Variants in PIH1D2 observed in about 807,000 individuals in gnomAD.
PIH1D2 encodes PIH1 domain-containing protein 2.
In PIH1D2, 25 loss-of-function variants were observed where a neutral mutation model predicts 31.2. The ratio of observed to expected loss-of-function variants is 0.80; its 90% CI spans 0.58 to 1.12. The LOEUF is 1.12. PIH1D2 is among the 50% of genes most tolerant of loss of function. The pLI is 0.00. For missense variants in PIH1D2, 310 were observed against 356.6 expected, an observed-to-expected ratio of 0.87 and a Z score of 1.05; for synonymous variants, 116 against 119.9, an observed-to-expected ratio of 0.97 and a Z score of 0.21.
At chr11:112,070,373 G>A (rs781972754) in intron 5 of PIH1D2, 63 bp downstream of exon 5, 375 of 1,543,922 alleles carry the variant, frequency 2.4e-4, no homozygotes, top group Non-Finnish European at 3.1e-4. Context: ...TTGTTACTGT[G>A]GCATAATATA....
chr11:112,058,604 T>G, downstream of PIH1D2, among the ~76,000 whole-genome samples: 2 of 2,996 alleles, frequency 6.7e-4, no homozygotes, highest in African/African-American at 4.0e-3. Context: ...GAACTTCAGT[T>G]GGGGTGGGGG....
At chr11:112,072,971 C>T (rs1865189557) in intron 2 of PIH1D2, 27 bp downstream of exon 2, 1 of 1,567,266 alleles carries the variant, frequency 6.4e-7, no homozygotes, top group Non-Finnish European at 8.7e-7. Flanking sequence ...TCAAGACCTC[C>T]CCATCCCTGG....
rs1177366302 is a variant in PIH1D2 at position 112,070,625 on chromosome 11, G to A, written c.624C>T (p.Asp208=). 3 of 1,613,948 alleles carry A rather than the reference G, an allele frequency of 1.9e-6. No individual in the cohort carries two copies. The highest frequency in any genetic ancestry group is 1.7e-6 in the Non-Finnish European group (2 of 1,180,010). ...GACACACTGCTTTGCCTGAAACTTG[G>A]TCTTTTGGCAGTAACAGTTGAGGAA... ...DHFPQLLLPK[D]QVSGKAVCLI... is the part of the protein sequence containing the mutation. Residue 208 remains aspartate, a synonymous_variant, in exon 5 of 6, where the codon GAC becomes GAT. Transcript: ENST00000280350.
At chr11:112,065,596 T>C (rs1447804798), downstream of PIH1D2, among the ~76,000 whole-genome samples, 4 of 152,158 alleles carry the variant, frequency 2.6e-5, no homozygotes, top group Non-Finnish European at 4.4e-5. Flanking sequence ...ATCCTGTTGC[T>C]AGTAGAATTT....
downstream of PIH1D2, chr11:112,064,269 T>C: frequency 6.8e-7 from 1 of 1,472,170 alleles, no homozygotes; most frequent in South Asian, 1.3e-5. Flanking sequence ...ATTGTTGAGT[T>C]AAAAATTAAT....
Position 112,067,867 on chromosome 11 carries a change from T to A in PIH1D2, c.*4A>T. On this transcript the variant is annotated 3_prime_UTR_variant, in exon 6 of 6. Coordinates refer to ENST00000280350, the MANE Select transcript of PIH1D2 (RefSeq NM_138789.4). ...GAAAACCCAAAACATATGATGCTCT[T>A]CTTTCACACCAAAGGCATTGTGATG... The A allele has an allele frequency of 6.2e-7, 1 of 1,611,888 alleles. No homozygotes were observed. The highest frequency in any genetic ancestry group is 8.5e-7 in the Non-Finnish European group (1 of 1,179,402).
At chr11:112,059,149 T>C (rs1566639362), downstream of PIH1D2, among the ~76,000 whole-genome samples, 1 of 151,984 alleles carries the variant, frequency 6.6e-6, no homozygotes, top group Admixed American at 6.6e-5. Flanking sequence ...TACAATGCAG[T>C]TCTTTCCCTT....
At chr11:112,066,415 C>T (rs192323443), downstream of PIH1D2, among the ~76,000 whole-genome samples, 679 of 151,906 alleles carry the variant, frequency 4.5e-3, 2 homozygotes, top group African/African-American at 0.014. Context: ...CCAAGGCAGG[C>T]GGATCACCTG....
downstream of PIH1D2, chr11:112,062,655 G>A: frequency 1.7e-6 from 2 of 1,179,700 alleles, no homozygotes; most frequent in South Asian, 2.7e-5. Flanking sequence ...TATTGAGTCT[G>A]TCCAGATAAG....
At chr11:112,072,488 G>T (rs1260613584) in intron 2 of PIH1D2, among the ~76,000 whole-genome samples, 1 of 130,468 alleles carries the variant, frequency 7.7e-6, no homozygotes, top group Non-Finnish European at 1.6e-5. Context: ...AGCTGTGATT[G>T]TGAGCTGTGA....
chr11:112,064,104 T>G, downstream of PIH1D2: 1 of 1,332,256 alleles, frequency 7.5e-7, no homozygotes, highest in South Asian at 1.4e-5. Flanking sequence ...TTGAAGATTA[T>G]CCAAAAGAAA....
chr11:112,054,088 C>T, the PIH1D2 span, among the ~76,000 whole-genome samples: 2,148 of 151,722 alleles, frequency 0.014, 52 homozygotes, highest in African/African-American at 0.049. Context: ...GCAGGTGGAT[C>T]GCCTGAGGTC....
Position 112,070,520 on chromosome 11 carries a change from G to A in PIH1D2, c.729C>T (p.His243=), listed in dbSNP as rs1306781729. The A allele has an allele frequency of 1.2e-6, 2 of 1,614,068 alleles. No homozygotes were observed. The highest frequency in any genetic ancestry group is 1.7e-6 in the Non-Finnish European group (2 of 1,179,996). Residue 243 remains histidine, a synonymous_variant, in exon 5 of 6, where the codon CAC becomes CAT. Coordinates refer to ENST00000280350, the MANE Select transcript of PIH1D2 (RefSeq NM_138789.4). The part of the protein sequence containing the change: ...PAYELKIVHD[H]SEKPLKIELK... ...ACTCAATTTTCAGAGGTTTCTCACT[G>A]TGATCATGCACAATTTTTAGTTCAT...
chr11:112,059,963 T>A (rs1555183010), downstream of PIH1D2: 2 of 1,613,972 alleles, frequency 1.2e-6, no homozygotes, highest in South Asian at 2.2e-5. Context: ...TCACACCTAT[T>A]GTGTTTAATG....
chr11:112,063,205 T>G (rs1864742916), downstream of PIH1D2: 1 of 152,250 alleles, frequency 6.6e-6, no homozygotes, highest in African/African-American at 2.4e-5. Flanking sequence ...AACCAGCTAC[T>G]TGATGTAACT....
chr11:112,070,089 C>A (rs1191925316), intron 5 of PIH1D2: 2 of 432,884 alleles, frequency 4.6e-6, no homozygotes, highest in Non-Finnish European at 8.4e-6. Flanking sequence ...GAGGATAGTA[C>A]GTTTACCCTG....
downstream of PIH1D2, chr11:112,060,158 A>ATTTTTTT (rs782188808): frequency 7.0e-6 from 4 of 568,676 alleles, no homozygotes; most frequent in African/African-American, 5.1e-5. Flanking sequence ...CTGTCACGTA[A>ATTTTTTT]TTTTTTTTTT....
At chr11:112,058,773 T>C (rs1864313468), downstream of PIH1D2, among the ~76,000 whole-genome samples, 1 of 152,136 alleles carries the variant, frequency 6.6e-6, no homozygotes, top group Admixed American at 6.5e-5. Context: ...TAGTTGTATA[T>C]ATCTCAAAAT....
At chr11:112,063,294 C>T (rs1171728877), downstream of PIH1D2, 2 of 152,072 alleles carry the variant, frequency 1.3e-5, no homozygotes, top group Non-Finnish European at 2.9e-5. Flanking sequence ...AAAAAAGAAA[C>T]ATTGTTAATA....
Sources: gnomAD v4.1 joint callset for allele counts (sites outside exome capture counted in the v4.1 genomes callset) on GRCh38, gnomAD v4.1.1 for gene constraint, MANE v1.5 for transcripts, NCBI Gene and HGNC (gene_info 2026-07-23, HGNC 2026-07-21) for gene names.